The following KLHL3 variants were observed in gnomAD, a reference collection of about 807,000 sequenced individuals.
KLHL3 encodes the protein kelch like family member 3.
Under a neutral mutation model 70.5 loss-of-function variants are expected in KLHL3, and 19 were observed. That is an observed-to-expected ratio of 0.27 (90% confidence interval 0.19 to 0.40). The LOEUF is 0.40. Ranked by LOEUF, KLHL3 falls within the 10% of genes least tolerant of loss-of-function variation. The pLI is 1.00. For synonymous variants in KLHL3, 258 were observed against 290.3 expected (o/e 0.89, Z 1.13); for missense variants, 512 against 771.1 (o/e 0.66, Z 3.98).
chr5:137,705,265 G>C (rs1580776419), intron 3 of KLHL3, among the ~76,000 whole-genome samples: 2 of 152,212 alleles, frequency 1.3e-5, no homozygotes, highest in Non-Finnish European at 2.9e-5. Context: ...CACAGCCACA[G>C]GCCAGGGCCT....
chr5:137,672,641 A>C (rs1751789591), intron 6 of KLHL3: 1 of 152,166 alleles, frequency 6.6e-6, no homozygotes, highest in Non-Finnish European at 1.5e-5. Context: ...AAGGCAAGAG[A>C]TCTTGAGATG....
chr5:137,628,255 G>T, intron 13 of KLHL3, 42 bp downstream of exon 13: 3 of 1,609,640 alleles, frequency 1.9e-6, no homozygotes, highest in Non-Finnish European at 2.5e-6. Flanking sequence ...GGGAGAAAAG[G>T]CACACAACCC....
intron 2 of KLHL3, among the ~76,000 whole-genome samples, chr5:137,714,857 T>C (rs2149932264): frequency 6.6e-6 from 1 of 152,076 alleles, no homozygotes; most frequent in South Asian, 2.1e-4. Flanking sequence ...TTCATAACAA[T>C]AATAAAAGCA....
intron 2 of KLHL3, among the ~76,000 whole-genome samples, chr5:137,715,444 T>C (rs959928014): frequency 7.2e-5 from 11 of 152,166 alleles, no homozygotes; most frequent in African/African-American, 2.2e-4. Context: ...CCCATTAAAC[T>C]CACTCAGATC....
chr5:137,653,267 T>C (rs139252066), intron 8 of KLHL3, among the ~76,000 whole-genome samples: 68 of 151,990 alleles, frequency 4.5e-4, no homozygotes, highest in African/African-American at 1.6e-3. Flanking sequence ...AAATAATAAT[T>C]AATTAGTTAA....
At chr5:137,660,494 T>C (rs1376204325) in intron 7 of KLHL3, among the ~76,000 whole-genome samples, 1 of 152,180 alleles carries the variant, frequency 6.6e-6, no homozygotes, top group East Asian at 1.9e-4. Flanking sequence ...GGACCTTTTC[T>C]ACAGGAAAGA....
In KLHL3 at chr5:137,650,874, G is replaced by A. The variant is rs1751182338; in HGVS notation, c.903+7257C>T. ...AATGCATACATGATTGTTGATAGCT[G>A]GATTTCAGATTTAAAAAAAAGAAAG... On this transcript the variant is annotated intron_variant, in intron 8 of 14. Coordinates refer to ENST00000309755, the MANE Select transcript of KLHL3 (RefSeq NM_017415.3). 4.0e-5 allele frequency among the ~76,000 whole-genome samples: 6 copies of A among 149,582 alleles called. No homozygotes were observed. The South Asian group carries it at 1.3e-3, about 32-fold the overall frequency.
At chr5:137,664,199 A>T (rs1751556214) in intron 6 of KLHL3, among the ~76,000 whole-genome samples, 1 of 151,808 alleles carries the variant, frequency 6.6e-6, no homozygotes, top group African/African-American at 2.4e-5. Context: ...AAGATACAAA[A>T]ATCAGCCAGG....
chr5:137,663,056 C>CTTTTTTTTTTTT (rs139890036), intron 6 of KLHL3, among the ~76,000 whole-genome samples: 40 of 77,916 alleles, frequency 5.1e-4, no homozygotes, highest in Non-Finnish European at 6.0e-4. Context: ...AGCACTCGTT[C>CTTTTTTTTTTTT]TTTTTTTTTT....
intron 3 of KLHL3, among the ~76,000 whole-genome samples, chr5:137,709,136 A>C (rs1451339898): frequency 1.3e-5 from 2 of 152,254 alleles, no homozygotes; most frequent in Non-Finnish European, 2.9e-5. Flanking sequence ...GGGACCCTGG[A>C]AAGTTGGCAA....
chr5:137,631,192 C>A (rs1261431728), intron 12 of KLHL3, among the ~76,000 whole-genome samples: 3 of 151,996 alleles, frequency 2.0e-5, no homozygotes, highest in Non-Finnish European at 4.4e-5. Flanking sequence ...TCAGTCACCA[C>A]TGACCACAGG....
chr5:137,645,026 A>G (rs911685922), intron 8 of KLHL3, among the ~76,000 whole-genome samples: 5 of 152,186 alleles, frequency 3.3e-5, no homozygotes, highest in Non-Finnish European at 4.4e-5. Context: ...AATCAATAAA[A>G]ACGATACGTC....
At chr5:137,697,919 C>G (rs1365643344) in intron 4 of KLHL3, among the ~76,000 whole-genome samples, 1 of 152,172 alleles carries the variant, frequency 6.6e-6, no homozygotes, top group East Asian at 1.9e-4. Context: ...AGTTATTCAC[C>G]TGTTTGAATT....
intron 7 of KLHL3, among the ~76,000 whole-genome samples, chr5:137,659,350 C>A (rs1751418288): frequency 6.6e-6 from 1 of 152,212 alleles, no homozygotes; most frequent in African/African-American, 2.4e-5. Flanking sequence ...TCTCCTGGGT[C>A]CCCATCTGTC....
At chr5:137,632,351 G>A (rs1750658756) in intron 12 of KLHL3, among the ~76,000 whole-genome samples, 1 of 151,942 alleles carries the variant, frequency 6.6e-6, no homozygotes, top group Non-Finnish European at 1.5e-5. Flanking sequence ...CAGAAACAAA[G>A]CCACATACCT....
chr5:137,683,220 C>T (rs1752078025), intron 5 of KLHL3, among the ~76,000 whole-genome samples: 1 of 152,058 alleles, frequency 6.6e-6, no homozygotes, highest in Non-Finnish European at 1.5e-5. Context: ...CCATAATTTC[C>T]CATCCACATG....
chr5:137,636,379 A>G (rs749364089), intron 11 of KLHL3, among the ~76,000 whole-genome samples: 1 of 152,256 alleles, frequency 6.6e-6, no homozygotes, highest in Non-Finnish European at 1.5e-5. Context: ...GAATGAACAG[A>G]TATTCCATCT....
At chr5:137,658,520 C>T (rs1414045239) in intron 7 of KLHL3, among the ~76,000 whole-genome samples, 2 of 152,198 alleles carry the variant, frequency 1.3e-5, no homozygotes, top group African/African-American at 4.8e-5. Flanking sequence ...TCCTCAGTTT[C>T]CTCATCTGTA....
intron 6 of KLHL3, among the ~76,000 whole-genome samples, chr5:137,669,626 G>A (rs1471199676): frequency 2.1e-5 from 3 of 145,986 alleles, no homozygotes; most frequent in East Asian, 3.9e-4. Context: ...TGATAGAAAC[G>A]TCTACAAGCT....
Sources: allele counts gnomAD v4.1 joint callset (sites outside exome capture counted in the v4.1 genomes callset), GRCh38; gene constraint gnomAD v4.1.1; transcripts MANE v1.5; gene names NCBI Gene and HGNC (gene_info 2026-07-23, HGNC 2026-07-21).